The following GOLGA1 variants were observed in gnomAD, a reference collection of about 807,000 sequenced individuals.
GOLGA1 encodes the protein golgin subfamily A member 1.
Under a neutral mutation model 119.7 loss-of-function variants are expected in GOLGA1, and 63 were observed. The ratio of observed to expected loss-of-function variants is 0.53; its 90% CI spans 0.43 to 0.65. GOLGA1 has a LOEUF of 0.65. Among genes scored for constraint, GOLGA1 ranks in the 30% least tolerant of loss-of-function variants. The probability of loss-of-function intolerance (pLI) is 0.00; values close to 1 mark genes in which losing one functional copy is unlikely to be tolerated. For synonymous variants in GOLGA1, 318 were observed against 333.4 expected (o/e 0.95, Z 0.50); for missense variants, 798 against 912.8 (o/e 0.87, Z 1.62).
Position 124,889,532 on chromosome 9 carries a change from G to A in GOLGA1, c.1502C>T (p.Ala501Val). 1 of 1,608,830 alleles carries A rather than the reference G, an allele frequency of 6.2e-7. No individual in the cohort carries two copies. Among genetic ancestry groups the A allele is most frequent in the Non-Finnish European group, 8.5e-7 (1 of 1,175,130 alleles). ...KQREEFQQQA[A>V]NLTAIIDEKE... The stretch of plus-strand genomic sequence containing the variant: ...CTCGTCTATTATGGCTGTCAGGTTA[G>A]CTGCCTTGGAGAGAAAAATCAACAA... Residue 501 changes from alanine to valine, a missense_variant, in exon 17 of 23, where the codon GCT becomes GTT. Ala to Val is a moderately conservative substitution (Grantham distance 64, BLOSUM62 0). Coordinates refer to ENST00000373555, the MANE Select transcript of GOLGA1 (RefSeq NM_002077.4).
intron 19 of GOLGA1, among the ~76,000 whole-genome samples, chr9:124,886,451 A>G (rs1161760966): frequency 6.6e-6 from 1 of 152,208 alleles, no homozygotes; most frequent in East Asian, 1.9e-4. Flanking sequence ...TTCTGGATTT[A>G]GCAGTGCAGA....
At chr9:124,898,900 T>C (rs1830037314) in intron 14 of GOLGA1, among the ~76,000 whole-genome samples, 1 of 152,144 alleles carries the variant, frequency 6.6e-6, no homozygotes, top group Admixed American at 6.5e-5. Context: ...TCTGGAAAGA[T>C]AAGAACTGCT....
chr9:124,910,356 C>T (rs576668839), intron 11 of GOLGA1, among the ~76,000 whole-genome samples: 7 of 152,334 alleles, frequency 4.6e-5, no homozygotes, highest in African/African-American at 4.8e-5. Flanking sequence ...TGAGCCACCA[C>T]GCCTGGCCTA....
At chr9:124,912,264 C>A (rs1830355742) in intron 10 of GOLGA1, among the ~76,000 whole-genome samples, 1 of 152,156 alleles carries the variant, frequency 6.6e-6, no homozygotes, top group Non-Finnish European at 1.5e-5. Flanking sequence ...CCCAATTAAA[C>A]AACTGACAGT....
intron 12 of GOLGA1, among the ~76,000 whole-genome samples, chr9:124,900,975 T>TA (rs1830091327): frequency 6.6e-6 from 1 of 150,936 alleles, no homozygotes; most frequent in Admixed American, 6.6e-5. Flanking sequence ...ACAGTATTTT[T>TA]TTTTTTTTTT....
intron 15 of GOLGA1, among the ~76,000 whole-genome samples, chr9:124,891,936 C>T (rs746286603): frequency 3.7e-4 from 56 of 151,052 alleles, no homozygotes; most frequent in African/African-American, 1.3e-3. Flanking sequence ...TGAGCCACTG[C>T]GCCCAGCCTC....
chr9:124,915,510 C>T (rs552438797), intron 10 of GOLGA1, among the ~76,000 whole-genome samples: 2 of 152,304 alleles, frequency 1.3e-5, no homozygotes, highest in South Asian at 4.1e-4. Flanking sequence ...AACCACTTGT[C>T]TATCCTTTTG....
Position 124,889,474 on chromosome 9 carries a change from C to G in GOLGA1, c.1560G>C (p.Val520=), listed in dbSNP as rs1020438970. Residue 520 remains valine, a synonymous_variant, in exon 17 of 23, where the codon GTG becomes GTC. Coordinates refer to ENST00000373555, the MANE Select transcript of GOLGA1 (RefSeq NM_002077.4). ...GAATCTCCTGCTCTTTCTGGAGAAGCACTTCGGTTTTTTCCCGCAGATTCT... is the reference window on the plus strand; with the variant it reads ...GAATCTCCTGCTCTTTCTGGAGAAGGACTTCGGTTTTTTCCCGCAGATTCT... ...KEQNLREKTE[V]LLQKEQEILQ... 2 of 1,613,992 alleles carry G rather than the reference C, an allele frequency of 1.2e-6. No homozygotes were observed. The highest frequency in any genetic ancestry group is 1.1e-5 in the South Asian group (1 of 91,086).
At chr9:124,922,286 C>T (rs1463602958) in intron 8 of GOLGA1, among the ~76,000 whole-genome samples, 1 of 151,346 alleles carries the variant, frequency 6.6e-6, no homozygotes, top group East Asian at 1.9e-4. Context: ...GATACGGTGG[C>T]TCACGCCTGT....
rs761134317 is a variant in GOLGA1, at chr9:124,881,927, C to G, written c.1993G>C (p.Glu665Gln). The change falls in exon 21 of 23, where the codon GAA (glutamate) becomes CAA (glutamine). Residue 665 changes from glutamate to glutamine, a missense_variant. Glu to Gln is a conservative substitution (Grantham distance 29). Coordinates refer to ENST00000373555, the MANE Select transcript of GOLGA1 (RefSeq NM_002077.4). This position sits in a 1 kb window ranked among gnomAD's most constrained non-coding sequence, Gnocchi z 4.9. ...TCAGGTCCAGGTTTCTCCCGGACTT[C>G]GAAGAGCTCATTATCGGGTCTGATT... Reference protein sequence around the residue: ...LKIRPDNELFEVREKPGPEMA... With the variant: ...LKIRPDNELFQVREKPGPEMA... 6.2e-7 allele frequency: 1 copy of G among 1,610,870 alleles called. No homozygotes were observed. Among genetic ancestry groups the G allele is most frequent in the Non-Finnish European group, 8.5e-7 (1 of 1,178,600 alleles).
At chr9:124,924,000 C>A (rs922751673) in intron 7 of GOLGA1, among the ~76,000 whole-genome samples, 1 of 152,118 alleles carries the variant, frequency 6.6e-6, no homozygotes, top group African/African-American at 2.4e-5. Flanking sequence ...AGACTACAGG[C>A]ATGCACCACC....
chr9:124,941,862 C>T (rs1200201648), upstream of GOLGA1, among the ~76,000 whole-genome samples: 1 of 152,216 alleles, frequency 6.6e-6, no homozygotes, highest in Non-Finnish European at 1.5e-5. Context: ...GGGAGGATCT[C>T]TTGAGACCAG....
At chr9:124,914,935 T>C (rs1379279615) in intron 10 of GOLGA1, among the ~76,000 whole-genome samples, 3 of 152,250 alleles carry the variant, frequency 2.0e-5, no homozygotes, top group African/African-American at 7.2e-5. Context: ...GTTCCACTTA[T>C]GCCTCTTGTG....
chr9:124,902,778 C>A (rs901264364), intron 12 of GOLGA1, among the ~76,000 whole-genome samples: 2 of 152,202 alleles, frequency 1.3e-5, no homozygotes, highest in East Asian at 1.9e-4. Context: ...CATGAGCCAC[C>A]GTGTCCAGCC....
At chr9:124,917,704 T>C (rs924061443) in intron 10 of GOLGA1, among the ~76,000 whole-genome samples, 2 of 152,196 alleles carry the variant, frequency 1.3e-5, no homozygotes, top group Non-Finnish European at 2.9e-5. Context: ...TTGAATGTGC[T>C]AATCCTTTTA....
chr9:124,902,321 C>A (rs907183960), intron 12 of GOLGA1, among the ~76,000 whole-genome samples: 3 of 151,484 alleles, frequency 2.0e-5, no homozygotes, highest in Non-Finnish European at 2.9e-5. Context: ...ACTGTGTTAG[C>A]CAGGATGGTC....
intron 11 of GOLGA1, 34 bp downstream of exon 11, chr9:124,911,867 C>T (rs1394320853): frequency 1.3e-5 from 21 of 1,597,004 alleles, no homozygotes; most frequent in East Asian, 2.2e-5. Context: ...CCTGCCTTTC[C>T]AACACCAGCC....
chr9:124,881,843 T>C lies in GOLGA1; in HGVS notation c.2077A>G (p.Ile693Val). ...NNTDLTDARE[I>V]NFEYLKHVVL... ...ACATGTTTAAGGTACTCAAAGTTGA[T>C]CTCGCGGGCATCTGTCAGGTCAGTG... Residue 693 changes from isoleucine (I) to valine (V), a missense_variant, in exon 21 of 23, where the codon ATC becomes GTC. By Grantham distance (29) the Ile-to-Val change is conservative (BLOSUM62 3). Transcript: ENST00000373555. The surrounding 1 kb of genome is among the most constrained non-coding windows in gnomAD (Gnocchi z 4.9). 6.2e-7 allele frequency: 1 copy of C among 1,613,204 alleles called. No individual in the cohort carries two copies. The highest frequency in any genetic ancestry group is 8.5e-7 in the Non-Finnish European group (1 of 1,179,510).
intron 5 of GOLGA1, among the ~76,000 whole-genome samples, chr9:124,928,865 C>CA (rs999074787): frequency 1.5e-4 from 23 of 152,238 alleles, no homozygotes; most frequent in Admixed American, 1.4e-3. Context: ...AGTTACTCAA[C>CA]ACAGCAGTAA....
Sources: allele counts gnomAD v4.1 joint callset (sites outside exome capture counted in the v4.1 genomes callset), GRCh38; gene constraint gnomAD v4.1.1; non-coding constraint Gnocchi (gnomAD v3.1); transcripts MANE v1.5; gene names NCBI Gene and HGNC (gene_info 2026-07-23, HGNC 2026-07-21).